The following JADE1 variants were observed in gnomAD, a reference collection of about 807,000 sequenced individuals.
JADE1 encodes the protein protein Jade-1.
In JADE1, 14 loss-of-function variants were observed where a neutral mutation model predicts 81.8. The observed-to-expected ratio is 0.17, with a 90% CI of 0.11 to 0.27. The LOEUF is 0.27. JADE1 is among the 10% of genes least tolerant of loss of function. The probability of loss-of-function intolerance (pLI) is 1.00; values close to 1 mark genes in which losing one functional copy is unlikely to be tolerated. For missense variants in JADE1, 690 were observed against 1,047.9 expected, an observed-to-expected ratio of 0.66 and a Z score of 4.71; for synonymous variants, 353 against 391.9, an observed-to-expected ratio of 0.90 and a Z score of 1.17.
chr4:128,844,201 G>A (rs1427665143), intron 3 of JADE1, among the ~76,000 whole-genome samples: 1 of 152,140 alleles, frequency 6.6e-6, no homozygotes, highest in Non-Finnish European at 1.5e-5. Flanking sequence ...GGAATACAAG[G>A]GGGACTTAGC....
chr4:128,868,955 G>A (rs1174354366), intron 10 of JADE1, among the ~76,000 whole-genome samples: 1 of 152,110 alleles, frequency 6.6e-6, no homozygotes, highest in African/African-American at 2.4e-5. Context: ...TCTTGTTTTT[G>A]TGCATTTGTG....
chr4:128,827,969 C>G, intron 1 of JADE1: 1 of 804,420 alleles, frequency 1.2e-6, no homozygotes, highest in Non-Finnish European at 1.5e-6. Context: ...CTTTGTTCTT[C>G]AGGACTCAGC....
At chr4:128,839,514 A>G (rs1435205857) in intron 2 of JADE1, among the ~76,000 whole-genome samples, 2 of 152,218 alleles carry the variant, frequency 1.3e-5, no homozygotes, top group East Asian at 3.8e-4. Context: ...ACGTTTTGAC[A>G]TGTTTATACC....
At chr4:128,821,337 G>T (rs1017024992) in intron 1 of JADE1, among the ~76,000 whole-genome samples, 3 of 152,130 alleles carry the variant, frequency 2.0e-5, no homozygotes, top group Non-Finnish European at 2.9e-5. Flanking sequence ...ATATGTGCCT[G>T]GGGGTGTGGA....
At chr4:128,870,584 T>C (rs914084000) in intron 10 of JADE1, among the ~76,000 whole-genome samples, 4 of 152,144 alleles carry the variant, frequency 2.6e-5, no homozygotes, top group Admixed American at 6.5e-5. Context: ...TAAAGTATAA[T>C]AGGAAATGTC....
At chr4:128,854,461 T>C (rs1182460423) in intron 6 of JADE1, among the ~76,000 whole-genome samples, 3 of 152,252 alleles carry the variant, frequency 2.0e-5, no homozygotes, top group Non-Finnish European at 4.4e-5. Flanking sequence ...ACCTTTATAG[T>C]GTCACTTAAC....
chr4:128,812,155 C>T (rs1260644404), intron 1 of JADE1, among the ~76,000 whole-genome samples: 1 of 151,576 alleles, frequency 6.6e-6, no homozygotes, highest in Non-Finnish European at 1.5e-5. Context: ...ATGGAGAGGG[C>T]GGCGGCGGCG....
chr4:128,865,153 TAC>T (rs1731688748), intron 9 of JADE1, among the ~76,000 whole-genome samples: 1 of 152,244 alleles, frequency 6.6e-6, no homozygotes, highest in Non-Finnish European at 1.5e-5. Flanking sequence ...TGGTAGTGGC[TAC>T]AGTGTCCCCT....
chr4:128,854,254 C>T (rs1280152011), intron 6 of JADE1, among the ~76,000 whole-genome samples: 4 of 152,104 alleles, frequency 2.6e-5, no homozygotes, highest in African/African-American at 9.7e-5. Context: ...CTCACCTTCT[C>T]TTCTTTCTGC....
chr4:128,861,276 T>C (rs17013849), intron 8 of JADE1, among the ~76,000 whole-genome samples: 3,405 of 152,332 alleles, frequency 0.022, 110 homozygotes, highest in African/African-American at 0.074. Flanking sequence ...ATTTGTGTAA[T>C]CATGTCTGCT....
At chr4:128,816,238 T>C (rs1371172047) in intron 1 of JADE1, 3 of 152,364 alleles carry the variant, frequency 2.0e-5, no homozygotes, top group Admixed American at 1.3e-4. Flanking sequence ...GAATGTAATA[T>C]CTCAGAAGTT....
chr4:128,812,507 T>C (rs996076924), intron 1 of JADE1, among the ~76,000 whole-genome samples: 38 of 151,956 alleles, frequency 2.5e-4, no homozygotes, highest in African/African-American at 8.9e-4. Flanking sequence ...ACCCTCCCAC[T>C]AGAGCTCCTT....
At chr4:128,819,519 T>C (rs1193284063) in intron 1 of JADE1, among the ~76,000 whole-genome samples, 1 of 152,210 alleles carries the variant, frequency 6.6e-6, no homozygotes, top group Non-Finnish European at 1.5e-5. Flanking sequence ...TATTATAAGA[T>C]TGTGTTCCAC....
intron 10 of JADE1, among the ~76,000 whole-genome samples, chr4:128,868,494 A>C (rs944054860): frequency 6.6e-6 from 1 of 151,458 alleles, no homozygotes; most frequent in Non-Finnish European, 1.5e-5. Context: ...ACTATTTCTG[A>C]GATTGAGCAC....
chr4:128,817,531 C>G (rs778283239), intron 1 of JADE1, among the ~76,000 whole-genome samples: 1 of 152,146 alleles, frequency 6.6e-6, no homozygotes, highest in Non-Finnish European at 1.5e-5. Flanking sequence ...GGGTAAGGAA[C>G]AAGAAATAGC....
rs1260321684 is a variant in JADE1, at chr4:128,874,008, A to AG, written c.*1751dup. 6.6e-6 allele frequency: 1 copy of AG among 152,594 alleles called. No homozygotes were observed. Among genetic ancestry groups the AG allele is most frequent in the East Asian group, 1.9e-4 (1 of 5,186 alleles). 9.5% of individuals were successfully genotyped at this position (152,594 alleles called of 1,614,324 possible). A position where few individuals can be genotyped will look rare whatever the true frequency, so the allele number is the denominator to read the frequency against. On this transcript the variant is annotated 3_prime_UTR_variant, in exon 11 of 11. Coordinates refer to ENST00000226319, the MANE Select transcript of JADE1 (RefSeq NM_199320.4). The stretch of plus-strand genomic sequence containing the variant: ...GACATTTTAGTAGCTAATTCAGGGG[A>AG]GGGGGAAGAATGATGCAGGTTTTTA...
intron 8 of JADE1, among the ~76,000 whole-genome samples, chr4:128,858,108 C>T (rs1033580000): frequency 6.6e-6 from 1 of 150,592 alleles, no homozygotes; most frequent in African/African-American, 2.5e-5. Flanking sequence ...TGTGTGTGAG[C>T]GTGAGCGAAA....
chr4:128,839,393 C>T (rs1729241774), intron 2 of JADE1, among the ~76,000 whole-genome samples: 1 of 152,184 alleles, frequency 6.6e-6, no homozygotes, highest in Non-Finnish European at 1.5e-5. Flanking sequence ...TTTTTTTCCC[C>T]TTACTGTTAG....
intron 9 of JADE1, chr4:128,862,447 T>A: frequency 7.1e-7 from 1 of 1,403,832 alleles, no homozygotes; most frequent in Non-Finnish European, 9.2e-7. Flanking sequence ...GGTTTTTTTT[T>A]TTTTAAAAAC....
Sources: allele counts gnomAD v4.1 joint callset (sites outside exome capture counted in the v4.1 genomes callset), GRCh38; gene constraint gnomAD v4.1.1; transcripts MANE v1.5; gene names NCBI Gene and HGNC (gene_info 2026-07-23, HGNC 2026-07-21).